Variants in IRS1 observed in about 807,000 individuals in gnomAD.
IRS1 encodes the protein insulin receptor substrate 1.
Under a neutral mutation model 65.6 loss-of-function variants are expected in IRS1, and 34 were observed. The ratio of observed to expected loss-of-function variants is 0.52; its 90% CI spans 0.39 to 0.69. The LOEUF is 0.69. Ranked by LOEUF, IRS1 falls within the 30% of genes least tolerant of loss-of-function variation. The probability of loss-of-function intolerance (pLI) is 0.00; values close to 1 mark genes in which losing one functional copy is unlikely to be tolerated. For missense variants in IRS1, 1,641 were observed against 1,720.2 expected (o/e 0.95, Z 0.81); for synonymous variants, 699 against 683.5 (o/e 1.02, Z -0.35).
chr2:226,773,640 A>G (rs1456148541), intron 1 of IRS1, among the ~76,000 whole-genome samples: 4 of 151,954 alleles, frequency 2.6e-5, no homozygotes, highest in African/African-American at 9.7e-5. Context: ...AAAAAAAAAG[A>G]ATGGGACTGT....
At position 226,784,715 on chromosome 2, in the gene IRS1, G is replaced by C. The variant is rs1428677818; in HGVS notation, c.*21+10274C>G. Among the ~76,000 whole-genome samples the C allele has an allele frequency of 2.6e-5, 4 of 152,232 alleles. No homozygotes were observed. The East Asian group carries it at 7.7e-4, about 29-fold the overall frequency. On this transcript the variant is annotated intron_variant, in intron 1 of 1. Transcript: ENST00000305123. ...TGGGATTACAGGCATGAGCCACCAT[G>C]CCCAGCCTCTAATTCAAATGTTATC...
Position 226,795,647 on chromosome 2 carries a change from ATGG to A in IRS1, c.3089_3091del (p.Thr1030del). On this transcript the variant is annotated inframe_deletion, in exon 1 of 2. Transcript: ENST00000305123. ...TGCTGAGGATGAGGAGGCAGCAGCC[ATGG>A]TGGCCCTGGGCAGGCTCACCTCCTC... 1 of 1,612,948 alleles carries A rather than the reference ATGG, an allele frequency of 6.2e-7. No homozygotes were observed. The highest frequency in any genetic ancestry group is 8.5e-7 in the Non-Finnish European group (1 of 1,179,884).
intron 1 of IRS1, among the ~76,000 whole-genome samples, chr2:226,769,015 G>T (rs185656561): frequency 2.5e-3 from 378 of 152,258 alleles, no homozygotes; most frequent in African/African-American, 8.7e-3. Flanking sequence ...CAACAATGTT[G>T]TAACACTTGT....
intron 1 of IRS1, among the ~76,000 whole-genome samples, chr2:226,756,656 T>C (rs1436307523): frequency 6.6e-6 from 1 of 152,090 alleles, no homozygotes; most frequent in Non-Finnish European, 1.5e-5. Flanking sequence ...AGAACAGAAT[T>C]GTCTCCTTTA....
chr2:226,752,415 C>A (rs1376194044), intron 1 of IRS1, among the ~76,000 whole-genome samples: 1 of 152,200 alleles, frequency 6.6e-6, no homozygotes, highest in Non-Finnish European at 1.5e-5. Flanking sequence ...AGGAAGTCAG[C>A]CACAGATTCG....
rs766758551 is a variant in IRS1 at position 226,795,077 on chromosome 2, C to T, written c.3662G>A (p.Arg1221His). The change falls in exon 1 of 2, where the codon CGC becomes CAC. Residue 1221 changes from arginine to histidine, a missense_variant. By Grantham distance (29) the Arg-to-His change is conservative. Transcript: ENST00000305123. ...LGSGESSSTR[R>H]SSEDLSAYAS... Reference sequence around the variant, plus strand: ...ATAGGCGCTTAAATCCTCACTTGAGCGGCGGGTGGAGCTGCTCTCACCGCT... The same window carrying T: ...ATAGGCGCTTAAATCCTCACTTGAGTGGCGGGTGGAGCTGCTCTCACCGCT... 11 of 1,313,958 alleles carry T rather than the reference C, an allele frequency of 8.4e-6. No homozygotes were observed. Among genetic ancestry groups the T allele is most frequent in the Middle Eastern group, 2.1e-4 (1 of 4,682 alleles). The allele number at this position is 1,313,958 out of a possible 1,614,324, so 81.4% of individuals were successfully genotyped here. A position where few individuals can be genotyped will look rare whatever the true frequency, so the allele number is the denominator to read the frequency against.
Position 226,798,175 on chromosome 2 carries a change from G to T in IRS1, c.564C>A (p.Thr188=). Residue 188 remains threonine (T), a synonymous_variant, in exon 1 of 2, where the codon ACC becomes ACA. Coordinates refer to ENST00000305123, the MANE Select transcript of IRS1 (RefSeq NM_005544.3). The surrounding 1 kb of genome is among the most constrained non-coding windows in gnomAD (Gnocchi z 9.4). Reference sequence around the variant, plus strand: ...GCTTCACGAAGCTGATGGTCTTGCTGGTCAGGCAAAGGCGGTAGATACCAA... The same window carrying T: ...GCTTCACGAAGCTGATGGTCTTGCTTGTCAGGCAAAGGCGGTAGATACCAA... ...NLIGIYRLCL[T]SKTISFVKLN... 6.2e-7 allele frequency: 1 copy of T among 1,613,988 alleles called. No homozygotes were observed.
At chr2:226,764,090 A>T (rs1938976854) in intron 1 of IRS1, among the ~76,000 whole-genome samples, 1 of 152,036 alleles carries the variant, frequency 6.6e-6, no homozygotes, top group African/African-American at 2.4e-5. Context: ...ACACTCCAAG[A>T]ATCATTTCCA....
chr2:226,771,303 T>C (rs955738098), intron 1 of IRS1, among the ~76,000 whole-genome samples: 5 of 152,144 alleles, frequency 3.3e-5, no homozygotes, highest in Admixed American at 2.6e-4. Flanking sequence ...CCCAAGCACA[T>C]GGTATCAGCC....
At chr2:226,770,163 T>C (rs893403661) in intron 1 of IRS1, among the ~76,000 whole-genome samples, 1 of 152,196 alleles carries the variant, frequency 6.6e-6, no homozygotes, top group Non-Finnish European at 1.5e-5. Context: ...ACTCCACATA[T>C]GAAAGAGAAA....
At chr2:226,766,147 ATATATATATATATATATTTT>A (rs1414278726) in intron 1 of IRS1, among the ~76,000 whole-genome samples, 4 of 3,864 alleles carry the variant, frequency 1.0e-3, no homozygotes, top group Non-Finnish European at 3.1e-3. Context: ...ATATATATAT[ATATATATATATATATATTTT>A]TTTTTTTTTT....
intron 1 of IRS1, among the ~76,000 whole-genome samples, chr2:226,747,709 G>A (rs558307938): frequency 1.9e-4 from 29 of 152,252 alleles, no homozygotes; most frequent in African/African-American, 4.3e-4. Context: ...GCAGAAACAC[G>A]CTCATGAGGC....
At chr2:226,749,261 A>G (rs1005273973) in intron 1 of IRS1, among the ~76,000 whole-genome samples, 8 of 152,172 alleles carry the variant, frequency 5.3e-5, no homozygotes, top group African/African-American at 1.9e-4. Flanking sequence ...TTCTGTAACA[A>G]TGTAAGCAAG....
intron 1 of IRS1, among the ~76,000 whole-genome samples, chr2:226,760,601 G>A (rs1938897895): frequency 6.6e-6 from 1 of 152,096 alleles, no homozygotes; most frequent in South Asian, 2.1e-4. Context: ...CTCTGCATCA[G>A]AGGAAAACCC....
At chr2:226,741,495 T>A (rs1163183056) in intron 1 of IRS1, among the ~76,000 whole-genome samples, 1 of 152,132 alleles carries the variant, frequency 6.6e-6, no homozygotes, top group Non-Finnish European at 1.5e-5. Context: ...ATTCCCTTCA[T>A]GAGAGCAGAG....
intron 1 of IRS1, among the ~76,000 whole-genome samples, chr2:226,770,949 C>T (rs1939151917): frequency 6.6e-6 from 1 of 152,076 alleles, no homozygotes; most frequent in East Asian, 1.9e-4. Context: ...CTCTTGAGCA[C>T]AAGAGTTTGG....
At position 226,736,266 on chromosome 2, in the gene IRS1, A is replaced by C. The variant is rs1270876224; in HGVS notation, c.*22-16T>G. 10 of 152,212 alleles carry C rather than the reference A, an allele frequency of 6.6e-5. No individual in the cohort carries two copies. Among genetic ancestry groups the C allele is most frequent in the Non-Finnish European group, 1.5e-5 (1 of 68,044 alleles). The allele number at this position is 152,212 out of a possible 1,614,324, so 9.4% of individuals were successfully genotyped here. ...GGTCTTCATTCTGAAAAGAAAAAGG[A>C]AAGAATTCAGCACCACAGGTATCTC... On this transcript the variant is annotated splice_polypyrimidine_tract_variant and intron_variant, in intron 1 of 1. Coordinates refer to ENST00000305123, the MANE Select transcript of IRS1 (RefSeq NM_005544.3).
At chr2:226,763,043 C>T (rs1041739923) in intron 1 of IRS1, among the ~76,000 whole-genome samples, 2 of 152,036 alleles carry the variant, frequency 1.3e-5, no homozygotes, top group African/African-American at 4.8e-5. Context: ...CCTTTAAATG[C>T]TTTTACAACA....
intron 1 of IRS1, among the ~76,000 whole-genome samples, chr2:226,777,958 T>C (rs1036923448): frequency 7.2e-5 from 11 of 152,190 alleles, no homozygotes; most frequent in Admixed American, 3.9e-4. Flanking sequence ...AGAAAAGTCA[T>C]AGTCAGTTTA....
Sources: gnomAD v4.1 joint callset for allele counts (sites outside exome capture counted in the v4.1 genomes callset) on GRCh38, gnomAD v4.1.1 for gene constraint, Gnocchi (gnomAD v3.1) non-coding constraint, MANE v1.5 for transcripts, NCBI Gene and HGNC (gene_info 2026-07-23, HGNC 2026-07-21) for gene names.